The following CHST11 variants were observed in gnomAD, a reference collection of about 807,000 sequenced individuals.
CHST11 encodes the protein C4S-1.
In CHST11, 9 loss-of-function variants were observed where a neutral mutation model predicts 30.4. That is an observed-to-expected ratio of 0.30 (90% confidence interval 0.18 to 0.52). The LOEUF (loss-of-function observed/expected upper bound fraction) is 0.52, where lower values mean the gene tolerates loss of function less well. CHST11 is among the 20% of genes least tolerant of loss of function. The pLI is 0.97. For synonymous variants in CHST11, 152 were observed against 187.8 expected, an observed-to-expected ratio of 0.81 and a Z score of 1.56; for missense variants, 348 against 460.6, an observed-to-expected ratio of 0.76 and a Z score of 2.24.
intron 1 of CHST11, among the ~76,000 whole-genome samples, chr12:104,554,025 T>C (rs1181727054): frequency 6.6e-6 from 1 of 152,152 alleles, no homozygotes; most frequent in African/African-American, 2.4e-5. Context: ...TCTTGCCATG[T>C]TGGTGTCTCT....
In CHST11 at chr12:104,548,007, G is replaced by A. The variant is rs572615712; in HGVS notation, c.119-53899G>A. 2.6e-4 allele frequency among the ~76,000 whole-genome samples: 40 copies of A among 152,220 alleles called. No individual in the cohort carries two copies. The South Asian group carries it at 8.3e-3, about 32-fold the overall frequency. ...TTGGGATCCTTGATGACTGTGGGGT[G>A]GCCAAAGCTGACCTCCCACCTTCAG... is the stretch of plus-strand genomic sequence containing the variant. On this transcript the variant is annotated intron_variant, in intron 1 of 2. Coordinates refer to ENST00000303694, the MANE Select transcript of CHST11 (RefSeq NM_018413.6).
At chr12:104,687,396 C>G (rs1274122129) in intron 2 of CHST11, among the ~76,000 whole-genome samples, 1 of 152,248 alleles carries the variant, frequency 6.6e-6, no homozygotes, top group African/African-American at 2.4e-5. Context: ...ATTTATTGAG[C>G]ACTTACTATG....
chr12:104,516,684 G>C (rs2038026666), intron 1 of CHST11, among the ~76,000 whole-genome samples: 1 of 152,104 alleles, frequency 6.6e-6, no homozygotes, highest in South Asian at 2.1e-4. Flanking sequence ...TTGAAAATTG[G>C]CCTCTTTGCC....
At chr12:104,513,266 G>A (rs969719246) in intron 1 of CHST11, among the ~76,000 whole-genome samples, 1 of 151,956 alleles carries the variant, frequency 6.6e-6, no homozygotes, top group Non-Finnish European at 1.5e-5. Context: ...AATACTGGTT[G>A]CAATAATTTC....
chr12:104,713,117 C>T (rs1477167828), intron 2 of CHST11, among the ~76,000 whole-genome samples: 1 of 152,188 alleles, frequency 6.6e-6, no homozygotes, highest in Non-Finnish European at 1.5e-5. Flanking sequence ...CTGGCAGCTA[C>T]AGAAGACAAA....
At chr12:104,491,913 C>T (rs1412551062) in intron 1 of CHST11, among the ~76,000 whole-genome samples, 3 of 152,226 alleles carry the variant, frequency 2.0e-5, no homozygotes, top group Non-Finnish European at 4.4e-5. Flanking sequence ...CCTGCAGCCT[C>T]ACTTGCTGTG....
intron 2 of CHST11, among the ~76,000 whole-genome samples, chr12:104,747,269 C>G (rs2040395474): frequency 6.6e-6 from 1 of 152,198 alleles, no homozygotes; most frequent in Non-Finnish European, 1.5e-5. Context: ...GGGTCTCAGA[C>G]CACAGTCTGC....
At chr12:104,611,811 T>G (rs1284462315) in intron 2 of CHST11, among the ~76,000 whole-genome samples, 3 of 152,222 alleles carry the variant, frequency 2.0e-5, no homozygotes, top group Admixed American at 6.5e-5. Flanking sequence ...GCTAACACTT[T>G]GAAACATATC....
chr12:104,606,962 G>T (rs2039011426), intron 2 of CHST11, among the ~76,000 whole-genome samples: 1 of 152,016 alleles, frequency 6.6e-6, no homozygotes. Flanking sequence ...CAGCTACTCG[G>T]GAGGCTGAGG....
chr12:104,620,861 T>C (rs910393664), intron 2 of CHST11, among the ~76,000 whole-genome samples: 2 of 152,156 alleles, frequency 1.3e-5, no homozygotes, highest in African/African-American at 4.8e-5. Flanking sequence ...AGAATGACAG[T>C]CAATTGCAAT....
In CHST11 at chr12:104,641,365, C is replaced by T. The variant is rs191464084; in HGVS notation, c.204+39374C>T. 3.5e-4 allele frequency among the ~76,000 whole-genome samples: 54 copies of T among 152,284 alleles called. No individual in the cohort carries two copies. The East Asian group carries it at 8.3e-3, about 23-fold the overall frequency. ...TAAAAGGGCACTGTAACACTTCTTC[C>T]GGGGCTTCAGGGGTCATGGACACCC... On this transcript the variant is annotated intron_variant, in intron 2 of 2. Coordinates refer to ENST00000303694, the MANE Select transcript of CHST11 (RefSeq NM_018413.6).
chr12:104,574,172 C>T (rs2136026312), intron 1 of CHST11, among the ~76,000 whole-genome samples: 1 of 152,344 alleles, frequency 6.6e-6, no homozygotes, highest in South Asian at 2.1e-4. Context: ...TACCATCTCA[C>T]ACCAGTTAGA....
chr12:104,535,604 T>A (rs1196806308), intron 1 of CHST11, among the ~76,000 whole-genome samples: 3 of 152,126 alleles, frequency 2.0e-5, no homozygotes, highest in Admixed American at 2.0e-4. Flanking sequence ...TATCTTCTCC[T>A]CTCCCATTGC....
intron 2 of CHST11, among the ~76,000 whole-genome samples, chr12:104,604,165 G>A (rs933824059): frequency 6.6e-6 from 1 of 152,124 alleles, no homozygotes; most frequent in Non-Finnish European, 1.5e-5. Flanking sequence ...GCCTGTCCTG[G>A]GTAGGGGCCC....
rs114604342 is a variant in CHST11 at position 104,622,279 on chromosome 12, A to G, written c.204+20288A>G. On this transcript the variant is annotated intron_variant, in intron 2 of 2. Transcript: ENST00000303694. ...TTCAACGTGAAATTTATATCAGATCACAGTTTTGTGGATGGGTTCCTATAG... is the reference window on the plus strand; with the variant it reads ...TTCAACGTGAAATTTATATCAGATCGCAGTTTTGTGGATGGGTTCCTATAG... Among the ~76,000 whole-genome samples, 448 of 152,340 alleles carry G rather than the reference A, an allele frequency of 2.9e-3. 4 individuals are homozygous for G. Among genetic ancestry groups the G allele is most frequent in the African/African-American group, 0.01 (420 of 41,574 alleles).
intron 2 of CHST11, among the ~76,000 whole-genome samples, chr12:104,632,221 T>G (rs1592805455): frequency 1.4e-5 from 2 of 148,130 alleles, no homozygotes; most frequent in African/African-American, 5.0e-5. Context: ...GAATTGGGGG[T>G]GATGATATGG....
chr12:104,594,353 A>G (rs1474815766), intron 1 of CHST11, among the ~76,000 whole-genome samples: 1 of 152,212 alleles, frequency 6.6e-6, no homozygotes, highest in South Asian at 2.1e-4. Context: ...CTTGAAATAA[A>G]ATGAAATCTC....
chr12:104,755,071 G>A (rs999798075), intron 2 of CHST11, among the ~76,000 whole-genome samples: 4 of 152,176 alleles, frequency 2.6e-5, no homozygotes, highest in African/African-American at 9.7e-5. Context: ...TGGCTACCAT[G>A]ATGCCCCTCA....
intron 1 of CHST11, among the ~76,000 whole-genome samples, chr12:104,492,501 C>A (rs1433550983): frequency 2.0e-5 from 3 of 152,224 alleles, no homozygotes; most frequent in African/African-American, 7.2e-5. Flanking sequence ...CACTATGTGT[C>A]TCTGGCACAT....
Sources: gnomAD v4.1 joint callset for allele counts (sites outside exome capture counted in the v4.1 genomes callset) on GRCh38, gnomAD v4.1.1 for gene constraint, MANE v1.5 for transcripts, NCBI Gene and HGNC (gene_info 2026-07-23, HGNC 2026-07-21) for gene names.